The following PRELID2 variants were observed in gnomAD, a reference collection of about 807,000 sequenced individuals.
PRELID2 encodes the protein PRELI domain-containing protein 2.
A neutral mutation model predicts 28.4 loss-of-function variants in PRELID2; 25 were observed. That is an observed-to-expected ratio of 0.88 (90% CI 0.64 to 1.23). The LOEUF is 1.23. PRELID2 is among the 50% of genes most tolerant of loss of function. The pLI is 0.00. For missense variants in PRELID2, 201 were observed against 214.4 expected (o/e 0.94, Z 0.39); for synonymous variants, 76 against 71.6 (o/e 1.06, Z -0.31).
intron 1 of PRELID2, among the ~76,000 whole-genome samples, chr5:145,660,606 C>T (rs17103568): frequency 0.076 from 11,624 of 152,120 alleles, 651 homozygotes; most frequent in Admixed American, 0.19. Context: ...AATTAATGGA[C>T]GCCAGAACAA....
At chr5:145,819,140 G>A (rs1046701230) in intron 3 of PRELID2, among the ~76,000 whole-genome samples, 4 of 152,200 alleles carry the variant, frequency 2.6e-5, no homozygotes, top group Non-Finnish European at 4.4e-5. Context: ...GGAACTGTGA[G>A]TCCATTAAAA....
At chr5:145,814,389 A>T (rs1754156945) in intron 4 of PRELID2, among the ~76,000 whole-genome samples, 1 of 152,162 alleles carries the variant, frequency 6.6e-6, no homozygotes, top group Non-Finnish European at 1.5e-5. Flanking sequence ...CAGCCTTTAC[A>T]CTTAATCCCA....
the PRELID2 span, chr5:145,337,855 A>G: frequency 6.6e-6 from 1 of 151,042 alleles, no homozygotes; most frequent in Non-Finnish European, 1.5e-5. Flanking sequence ...CTCCCAACAC[A>G]TGGATGTGTT....
chr5:145,712,111 G>A (rs1235616417), intron 1 of PRELID2, among the ~76,000 whole-genome samples: 2 of 152,170 alleles, frequency 1.3e-5, no homozygotes, highest in Admixed American at 1.3e-4. Flanking sequence ...ATCAGCTAAC[G>A]CTGGTGTGCT....
At chr5:145,340,388 C>A in the PRELID2 span, among the ~76,000 whole-genome samples, 1 of 152,176 alleles carries the variant, frequency 6.6e-6, no homozygotes, top group East Asian at 1.9e-4. Flanking sequence ...ATCACACCAG[C>A]TGCCCAGTGG....
chr5:145,710,447 T>C (rs1561552915), intron 1 of PRELID2, among the ~76,000 whole-genome samples: 1 of 152,194 alleles, frequency 6.6e-6, no homozygotes, highest in East Asian at 1.9e-4. Flanking sequence ...TAGAATTAAG[T>C]GCTATTAAAA....
chr5:145,237,992 T>A, the PRELID2 span, among the ~76,000 whole-genome samples: 1 of 152,060 alleles, frequency 6.6e-6, no homozygotes, highest in African/African-American at 2.4e-5. Flanking sequence ...GAGGTTAGGC[T>A]GGAACGGGGC....
chr5:145,750,122 A>T (rs1351259787), intron 1 of PRELID2, among the ~76,000 whole-genome samples: 1 of 152,098 alleles, frequency 6.6e-6, no homozygotes, highest in Non-Finnish European at 1.5e-5. Flanking sequence ...TATTCCATTT[A>T]TAATTTAAAA....
intron 1 of PRELID2, among the ~76,000 whole-genome samples, chr5:145,591,467 A>G (rs530742475): frequency 6.6e-6 from 1 of 152,310 alleles, no homozygotes; most frequent in South Asian, 2.1e-4. Flanking sequence ...AAAGGAAGTG[A>G]TAATTCAGCA....
chr5:145,313,081 C>A, the PRELID2 span, among the ~76,000 whole-genome samples: 1,641 of 152,164 alleles, frequency 0.011, 24 homozygotes, highest in African/African-American at 0.036. Context: ...GAATCTTTAG[C>A]AATTCTGCAT....
chr5:145,758,388 G>A lies in PRELID2; in HGVS notation c.*2148C>T, dbSNP rs940253819. Among the ~76,000 whole-genome samples the A allele has an allele frequency of 1.3e-5, 2 of 151,992 alleles. No homozygotes were observed. The highest frequency in any genetic ancestry group is 4.8e-5 in the African/African-American group (2 of 41,370). On this transcript the variant is annotated 3_prime_UTR_variant, in exon 7 of 7. Coordinates refer to ENST00000683046, the MANE Select transcript of PRELID2 (RefSeq NM_205846.3). Reference sequence around the variant, plus strand: ...AAATATTGTCTGCAAATACCTAAAAGTCACTGTAGTGTTCTTAGCTGCCCA... The same window carrying A: ...AAATATTGTCTGCAAATACCTAAAAATCACTGTAGTGTTCTTAGCTGCCCA...
chr5:145,682,945 A>G (rs1280059289), intron 1 of PRELID2, among the ~76,000 whole-genome samples: 1 of 152,218 alleles, frequency 6.6e-6, no homozygotes, highest in East Asian at 1.9e-4. Flanking sequence ...TGGGACTAGC[A>G]GGGGAGGAAG....
At chr5:145,700,686 G>A (rs1003893138) in intron 1 of PRELID2, among the ~76,000 whole-genome samples, 4 of 152,068 alleles carry the variant, frequency 2.6e-5, no homozygotes, top group Non-Finnish European at 4.4e-5. Context: ...GACCAGCCAC[G>A]CTCCCTCTAT....
intron 1 of PRELID2, among the ~76,000 whole-genome samples, chr5:145,597,946 T>C (rs1318858084): frequency 6.6e-6 from 1 of 152,158 alleles, no homozygotes; most frequent in Non-Finnish European, 1.5e-5. Flanking sequence ...ACATAAAAAC[T>C]ATGCATCAAA....
chr5:145,791,857 T>C (rs1396777302), intron 5 of PRELID2, among the ~76,000 whole-genome samples: 2 of 152,154 alleles, frequency 1.3e-5, no homozygotes, highest in East Asian at 3.8e-4. Flanking sequence ...GATACGTCAT[T>C]ACAGTAAAAA....
chr5:145,381,295 T>G, the PRELID2 span, among the ~76,000 whole-genome samples: 1 of 152,066 alleles, frequency 6.6e-6, no homozygotes, highest in Non-Finnish European at 1.5e-5. Context: ...GAGAAAAACT[T>G]CAGAACTTTC....
chr5:145,798,200 T>A (rs890586143), intron 4 of PRELID2, among the ~76,000 whole-genome samples: 2 of 151,744 alleles, frequency 1.3e-5, no homozygotes, highest in African/African-American at 4.8e-5. Flanking sequence ...ATAAAAAGAA[T>A]AAAGAAAAGT....
the PRELID2 span, among the ~76,000 whole-genome samples, chr5:145,412,813 G>T: frequency 1.3e-5 from 2 of 152,158 alleles, no homozygotes; most frequent in Non-Finnish European, 2.9e-5. Flanking sequence ...GTTCTGTATG[G>T]CTGGGGAGGC....
intron 1 of PRELID2, among the ~76,000 whole-genome samples, chr5:145,693,461 A>C (rs1755190960): frequency 7.1e-6 from 1 of 141,364 alleles, no homozygotes; most frequent in African/African-American, 3.1e-5. Context: ...AATAATTCTT[A>C]AAATTAAAAA....
Sources: gnomAD v4.1 joint callset for allele counts (sites outside exome capture counted in the v4.1 genomes callset) on GRCh38, gnomAD v4.1.1 for gene constraint, MANE v1.5 for transcripts, NCBI Gene and HGNC (gene_info 2026-07-23, HGNC 2026-07-21) for gene names.